Variants in BABAM2 observed in about 807,000 individuals in gnomAD.
The protein encoded by BABAM2 is BRISC and BRCA1 A complex member 2, also known as BRISC and BRCA1-A complex member 2.
In BABAM2, 31 loss-of-function variants were observed where a neutral mutation model predicts 54.7. That is an observed-to-expected ratio of 0.57 (90% confidence interval 0.43 to 0.77). The LOEUF is 0.77. Among genes scored for constraint, BABAM2 ranks in the 30% least tolerant of loss-of-function variants. BABAM2 has a pLI of 0.00. For synonymous variants in BABAM2, 167 were observed against 162.9 expected (o/e 1.03, Z -0.19); for missense variants, 364 against 455.8 (o/e 0.80, Z 1.83).
chr2:28,237,593 G>A (rs1219596292), intron 8 of BABAM2, among the ~76,000 whole-genome samples: 1 of 152,068 alleles, frequency 6.6e-6, no homozygotes, highest in Non-Finnish European at 1.5e-5. Context: ...CCTTTACCCA[G>A]TTTTTGCCAG....
chr2:28,211,386 C>CTTTTTTTTTTTTTTT lies in BABAM2; in HGVS notation c.681-25812_681-25798dup, dbSNP rs770284745. Among the ~76,000 whole-genome samples, 160 of 96,854 alleles carry CTTTTTTTTTTTTTTT rather than the reference C, an allele frequency of 1.7e-3. 1 individual carries two copies. Among genetic ancestry groups the CTTTTTTTTTTTTTTT allele is most frequent in the East Asian group, 4.3e-3 (12 of 2,792 alleles). 63.5% of individuals were successfully genotyped at this position (96,854 alleles called of 152,430 possible). ...CCATGTATAGTTCCTTCCTTATTAT[C>CTTTTTTTTTTTTTTT]TTTTTTTTTTTTTTTTTTGAGAAAG... On this transcript the variant is annotated intron_variant, in intron 7 of 11. Transcript: ENST00000379624.
chr2:28,251,577 G>A (rs767357218), intron 10 of BABAM2, among the ~76,000 whole-genome samples: 4 of 152,132 alleles, frequency 2.6e-5, no homozygotes, highest in Non-Finnish European at 5.9e-5. Context: ...TCATCTGCCC[G>A]CTATAGAAAC....
chr2:27,942,791 A>AATTTATTTATTTATTTATTT (rs34308709), intron 3 of BABAM2, among the ~76,000 whole-genome samples: 2 of 141,820 alleles, frequency 1.4e-5, no homozygotes, highest in Admixed American at 1.4e-4. Context: ...TTTCTTAAAA[A>AATTTATTTATTTATTTATTT]ATTTATTTAT....
At chr2:28,107,276 C>T (rs1042625094) in intron 6 of BABAM2, among the ~76,000 whole-genome samples, 1 of 152,166 alleles carries the variant, frequency 6.6e-6, no homozygotes, top group Admixed American at 6.5e-5. Flanking sequence ...CAACCCTTGT[C>T]CTTCTTGAAT....
intron 2 of BABAM2, among the ~76,000 whole-genome samples, chr2:27,907,759 G>A (rs1211907570): frequency 3.9e-5 from 6 of 152,134 alleles, no homozygotes; most frequent in Non-Finnish European, 8.8e-5. Flanking sequence ...TACCTCACTT[G>A]ATGTAAGTGA....
chr2:27,997,289 A>G (rs974740927), intron 4 of BABAM2, among the ~76,000 whole-genome samples: 24 of 151,694 alleles, frequency 1.6e-4, no homozygotes, highest in Middle Eastern at 3.2e-3. Flanking sequence ...ATGCATCATC[A>G]GTAAATGACC....
intron 10 of BABAM2, among the ~76,000 whole-genome samples, chr2:28,256,369 C>T (rs534927642): frequency 6.6e-6 from 1 of 152,056 alleles, no homozygotes; most frequent in Non-Finnish European, 1.5e-5. Flanking sequence ...AGATTGTTGC[C>T]TATATTCATA....
intron 11 of BABAM2, among the ~76,000 whole-genome samples, chr2:28,318,655 GGGCTTATTTTGCCGT>G (rs1689769473): frequency 6.6e-6 from 1 of 152,170 alleles, no homozygotes; most frequent in Non-Finnish European, 1.5e-5. Flanking sequence ...ACAAAGGGCG[GGGCTTATTTTGCCGT>G]GTTTTTACGG....
chr2:27,890,393 GC>G (rs774159732), upstream of BABAM2: 1 of 1,554,480 alleles, frequency 6.4e-7, no homozygotes, highest in African/African-American at 1.4e-5. The surrounding 1 kb of genome is among the most constrained non-coding windows in gnomAD (Gnocchi z 4.8). Context: ...TCTGCCCTTT[GC>G]CCGACCCCGT....
intron 11 of BABAM2, among the ~76,000 whole-genome samples, chr2:28,319,663 A>T (rs1299308836): frequency 6.6e-6 from 1 of 152,202 alleles, no homozygotes; most frequent in African/African-American, 2.4e-5. Flanking sequence ...TCAGGGCTGA[A>T]GGATCGGTGC....
At chr2:28,169,075 T>C (rs184057735) in intron 7 of BABAM2, among the ~76,000 whole-genome samples, 102 of 152,312 alleles carry the variant, frequency 6.7e-4, no homozygotes, top group African/African-American at 2.4e-3. Context: ...TGTTCTATTA[T>C]GGGCTTATTT....
At chr2:27,994,457 T>C (rs771232312) in intron 4 of BABAM2, among the ~76,000 whole-genome samples, 1 of 152,160 alleles carries the variant, frequency 6.6e-6, no homozygotes, top group Non-Finnish European at 1.5e-5. Context: ...GAAGCCTCAC[T>C]CATGTCCTGT....
intron 2 of BABAM2, among the ~76,000 whole-genome samples, chr2:27,928,486 G>A (rs1406588985): frequency 6.6e-6 from 1 of 151,932 alleles, no homozygotes; most frequent in Non-Finnish European, 1.5e-5. Flanking sequence ...ATCGTTTTGG[G>A]GAAAAGTAAT....
chr2:28,219,090 AG>A (rs1199870337), intron 7 of BABAM2, among the ~76,000 whole-genome samples: 1 of 152,260 alleles, frequency 6.6e-6, no homozygotes, highest in African/African-American at 2.4e-5. Flanking sequence ...TCTGTAGAAC[AG>A]AAGTCCAGTG....
At chr2:27,898,640 A>G (rs1164981058) in intron 2 of BABAM2, among the ~76,000 whole-genome samples, 1 of 152,214 alleles carries the variant, frequency 6.6e-6, no homozygotes, top group Non-Finnish European at 1.5e-5. Flanking sequence ...TCATAGTACA[A>G]CATGATGAAC....
intron 4 of BABAM2, among the ~76,000 whole-genome samples, chr2:27,993,577 A>C (rs1197304947): frequency 6.6e-6 from 1 of 152,200 alleles, no homozygotes; most frequent in Non-Finnish European, 1.5e-5. Context: ...TTTAACTTAA[A>C]ATGAAGTTGC....
intron 3 of BABAM2, among the ~76,000 whole-genome samples, chr2:27,953,164 A>G (rs1251860807): frequency 6.6e-6 from 1 of 151,788 alleles, no homozygotes; most frequent in Non-Finnish European, 1.5e-5. Context: ...GTGTGCCACT[A>G]TGTCTGGCTA....
At chr2:28,279,815 C>T (rs566357853) in intron 10 of BABAM2, among the ~76,000 whole-genome samples, 19 of 151,910 alleles carry the variant, frequency 1.3e-4, no homozygotes, top group Admixed American at 3.9e-4. Flanking sequence ...TACAGGCATG[C>T]GCCACCACGC....
chr2:28,318,164 G>A (rs553492209), intron 11 of BABAM2, among the ~76,000 whole-genome samples: 1 of 152,244 alleles, frequency 6.6e-6, no homozygotes, highest in South Asian at 2.1e-4. Flanking sequence ...CTTGCAAGTC[G>A]GGTCTTGGTC....
Sources: allele counts gnomAD v4.1 joint callset (sites outside exome capture counted in the v4.1 genomes callset), GRCh38; gene constraint gnomAD v4.1.1; non-coding constraint Gnocchi (gnomAD v3.1); transcripts MANE v1.5; gene names NCBI Gene and HGNC (gene_info 2026-07-23, HGNC 2026-07-21).